Variants in RGL1 observed in about 807,000 individuals in gnomAD.
The protein encoded by RGL1 is ral guanine nucleotide dissociation stimulator-like 1.
RGL1 carries 24 observed loss-of-function variants against 95.2 expected under a neutral mutation model. The ratio of observed to expected loss-of-function variants is 0.25; its 90% CI spans 0.18 to 0.35. RGL1 has a LOEUF of 0.35. Ranked by LOEUF, RGL1 falls within the 10% of genes least tolerant of loss-of-function variation. The probability of loss-of-function intolerance (pLI) is 1.00; values close to 1 mark genes in which losing one functional copy is unlikely to be tolerated. For missense variants in RGL1, 715 were observed against 936.3 expected (o/e 0.76, Z 3.08); for synonymous variants, 329 against 344.9 (o/e 0.95, Z 0.51).
chr1:183,902,498 C>T (rs1668086026), intron 11 of RGL1, 70 bp from the exon 12 acceptor site: 2 of 1,317,428 alleles, frequency 1.5e-6, no homozygotes, highest in East Asian at 2.3e-5. Flanking sequence ...TTTAATGTGA[C>T]CTACGACAAC....
intron 2 of RGL1, chr1:183,754,576 T>C (rs553833594): frequency 6.6e-6 from 1 of 152,336 alleles, no homozygotes; most frequent in African/African-American, 2.4e-5. Flanking sequence ...TCTTTTGTAT[T>C]CACCTGGCAA....
At chr1:183,648,928 A>G in intron 1 of RGL1, 3 of 637,346 alleles carry the variant, frequency 4.7e-6, no homozygotes. Context: ...ATAGTGATAT[A>G]TGCATAGATT....
chr1:183,759,347 T>C (rs573003608), intron 2 of RGL1, among the ~76,000 whole-genome samples: 145 of 152,300 alleles, frequency 9.5e-4, no homozygotes, highest in African/African-American at 3.4e-3. Flanking sequence ...TTTTCTGCTA[T>C]AGGAGTAGTT....
chr1:183,873,621 TAAG>T (rs1010855335), intron 4 of RGL1, among the ~76,000 whole-genome samples: 1 of 152,178 alleles, frequency 6.6e-6, no homozygotes, highest in Admixed American at 6.5e-5. Flanking sequence ...ATCACCATAA[TAAG>T]ACTGCGGAAG....
At chr1:183,877,028 T>C (rs1666534195) in intron 4 of RGL1, among the ~76,000 whole-genome samples, 1 of 152,230 alleles carries the variant, frequency 6.6e-6, no homozygotes, top group African/African-American at 2.4e-5. Context: ...GTCAGGTAGA[T>C]GAAGAAGGTG....
At chr1:183,732,160 A>G (rs149439618) in intron 1 of RGL1, among the ~76,000 whole-genome samples, 6 of 152,300 alleles carry the variant, frequency 3.9e-5, no homozygotes, top group African/African-American at 1.2e-4. Context: ...CAGGAATGCT[A>G]AATCTTATAT....
intron 4 of RGL1, among the ~76,000 whole-genome samples, chr1:183,872,652 G>A (rs1301102722): frequency 3.3e-5 from 5 of 152,126 alleles, no homozygotes; most frequent in African/African-American, 1.2e-4. Flanking sequence ...CCAAGACATC[G>A]GATACACTTT....
intron 1 of RGL1, among the ~76,000 whole-genome samples, chr1:183,698,263 C>A (rs1196049571): frequency 6.6e-6 from 1 of 152,206 alleles, no homozygotes. Context: ...TGTAACACCC[C>A]TTTTTCCTTT....
At chr1:183,830,453 C>G (rs1049447143) in intron 2 of RGL1, among the ~76,000 whole-genome samples, 5 of 152,182 alleles carry the variant, frequency 3.3e-5, no homozygotes. Flanking sequence ...ACTTATATCA[C>G]ATAGCTGGTT....
At chr1:183,666,014 T>C (rs1652009150) in intron 1 of RGL1, among the ~76,000 whole-genome samples, 1 of 149,294 alleles carries the variant, frequency 6.7e-6, no homozygotes, top group Non-Finnish European at 1.5e-5. Flanking sequence ...TCTTTTTTTT[T>C]TTTTTTTTGA....
rs374894007 is a variant in RGL1, at chr1:183,661,228, A to G, written c.-33+24727A>G. 6.9e-4 allele frequency among the ~76,000 whole-genome samples: 105 copies of G among 152,362 alleles called. 1 individual carries two copies. Among genetic ancestry groups the G allele is most frequent in the African/African-American group, 2.4e-3 (101 of 41,586 alleles). ...AAATCAGAGCAGAGCTGAAGGAAATAGAGACACAAAAAACCCTTCAAAAAA... is the reference window on the plus strand; with the variant it reads ...AAATCAGAGCAGAGCTGAAGGAAATGGAGACACAAAAAACCCTTCAAAAAA... On this transcript the variant is annotated intron_variant, in intron 1 of 18. Transcript: ENST00000304685.
chr1:183,769,455 C>T (rs1368400207), intron 2 of RGL1, among the ~76,000 whole-genome samples: 1 of 152,208 alleles, frequency 6.6e-6, no homozygotes, highest in Non-Finnish European at 1.5e-5. Flanking sequence ...AGCTAGATTG[C>T]TTATTAAAGA....
intron 1 of RGL1, among the ~76,000 whole-genome samples, chr1:183,656,133 A>G (rs1212116324): frequency 1.5e-5 from 2 of 135,380 alleles, no homozygotes. Context: ...TCTCATGAAA[A>G]CAGGAGATTC....
At chr1:183,703,379 A>C (rs1251307926) in intron 1 of RGL1, among the ~76,000 whole-genome samples, 1 of 152,078 alleles carries the variant, frequency 6.6e-6, no homozygotes, top group Non-Finnish European at 1.5e-5. Context: ...TTTCAACAAG[A>C]CTTTTATTAG....
chr1:183,759,273 A>C (rs1397397412), intron 2 of RGL1, among the ~76,000 whole-genome samples: 1 of 152,172 alleles, frequency 6.6e-6, no homozygotes, highest in East Asian at 1.9e-4. Flanking sequence ...GGGGTTTTTG[A>C]GGAAAAGGCA....
chr1:183,888,854 G>A (rs181314407), intron 8 of RGL1, among the ~76,000 whole-genome samples: 87 of 152,134 alleles, frequency 5.7e-4, no homozygotes, highest in African/African-American at 2.1e-3. Context: ...GAGGGATAAG[G>A]TTGTGGAGTG....
rs1421044201 is a variant in RGL1 at position 183,760,590 on chromosome 1, AAAAC to A, written c.132+18306_132+18309del. Among the ~76,000 whole-genome samples, 1,282 of 132,334 alleles carry A rather than the reference AAAAC, an allele frequency of 9.7e-3. 16 individuals are homozygous for A. The highest frequency in any genetic ancestry group is 0.023 in the Middle Eastern group (5 of 216). 86.8% of individuals were successfully genotyped at this position (132,334 alleles called of 152,430 possible). On this transcript the variant is annotated intron_variant, in intron 2 of 18. Coordinates refer to the RGL1 transcript ENST00000304685. ...CTGCAAAAAAAAAAAAAAAAAAAAA[AAAAC>A]AAACCTGGGTGTGGTGGTGTGTGCA...
intron 8 of RGL1, among the ~76,000 whole-genome samples, chr1:183,891,733 GTTTTTTTTTTTT>G (rs57974956): frequency 0.2 from 24,806 of 123,988 alleles, 2,244 homozygotes; most frequent in Non-Finnish European, 0.23. Flanking sequence ...GTGTGTAACA[GTTTTTTTTTTTT>G]TTTTTTTTTT....
At chr1:183,691,226 G>A (rs147169177) in intron 1 of RGL1, among the ~76,000 whole-genome samples, 55 of 152,200 alleles carry the variant, frequency 3.6e-4, no homozygotes, top group Admixed American at 1.8e-3. Flanking sequence ...CCATAGATGC[G>A]GATTCTTTTA....
Sources: allele counts gnomAD v4.1 joint callset (sites outside exome capture counted in the v4.1 genomes callset), GRCh38; gene constraint gnomAD v4.1.1; transcripts MANE v1.5; gene names NCBI Gene and HGNC (gene_info 2026-07-23, HGNC 2026-07-21).